TMEM154: variants seen among roughly 807,000 people sequenced by gnomAD.
TMEM154 encodes transmembrane protein 154.
In TMEM154, 27 loss-of-function variants were observed where a neutral mutation model predicts 24.5. The observed-to-expected ratio is 1.10, with a 90% CI of 0.81 to 1.52. TMEM154 has a LOEUF of 1.52. TMEM154 is among the 40% of genes most tolerant of loss of function. The pLI, the probability that TMEM154 is intolerant of heterozygous loss-of-function variation, is 0.00. For missense variants in TMEM154, 228 were observed against 213.4 expected, an observed-to-expected ratio of 1.07 and a Z score of -0.43; for synonymous variants, 67 against 76.8, an observed-to-expected ratio of 0.87 and a Z score of 0.67.
chr4:152,654,616 G>A (rs932684607), intron 1 of TMEM154, among the ~76,000 whole-genome samples: 1 of 152,154 alleles, frequency 6.6e-6, no homozygotes, highest in Non-Finnish European at 1.5e-5. Flanking sequence ...TCATGAGAGT[G>A]GGGACCCTAT....
intron 3 of TMEM154, among the ~76,000 whole-genome samples, chr4:152,647,994 C>G (rs1728298651): frequency 6.6e-6 from 1 of 152,018 alleles, no homozygotes; most frequent in East Asian, 1.9e-4. Flanking sequence ...GCTCTTGGTT[C>G]TCCTGGACCT....
intron 4 of TMEM154, 37 bp from the exon 5 acceptor site, chr4:152,643,210 T>A (rs1325188446): frequency 7.0e-7 from 1 of 1,423,764 alleles, no homozygotes; most frequent in Non-Finnish European, 9.8e-7. Context: ...TAGAAAGAAA[T>A]GTGAAAGATG....
At position 152,622,445 on chromosome 4, in the gene TMEM154, A is replaced by G. The variant is rs541952357; in HGVS notation, c.*6101T>C. On this transcript the variant is annotated 3_prime_UTR_variant, in exon 7 of 7. Transcript: ENST00000304385. Reference sequence around the variant, plus strand: ...TAATTCACCTCTACTCTTAGTAAATAAAACATTTTAGTAAACAAATATCTT... The same window carrying G: ...TAATTCACCTCTACTCTTAGTAAATGAAACATTTTAGTAAACAAATATCTT... 6.6e-6 allele frequency: 1 copy of G among 152,332 alleles called. No individual in the cohort carries two copies. The highest frequency in any genetic ancestry group is 6.5e-5 in the Admixed American group (1 of 15,310). The allele number at this position is 152,332 out of a possible 1,614,324, so 9.4% of individuals were successfully genotyped here.
intron 1 of TMEM154, 61 bp downstream of exon 1, chr4:152,679,809 C>CG: frequency 1.3e-6 from 2 of 1,568,200 alleles, no homozygotes; most frequent in South Asian, 2.3e-5. Flanking sequence ...TCTGTAGCCT[C>CG]GGGCACCCTA....
chr4:152,676,137 G>A (rs1039091298), intron 1 of TMEM154, among the ~76,000 whole-genome samples: 14 of 152,236 alleles, frequency 9.2e-5, no homozygotes, highest in Non-Finnish European at 1.9e-4. Flanking sequence ...ATTCTCTTGT[G>A]CTCACTCTGC....
intron 6 of TMEM154, among the ~76,000 whole-genome samples, chr4:152,631,538 A>G (rs1475038215): frequency 6.6e-6 from 1 of 151,856 alleles, no homozygotes; most frequent in African/African-American, 2.4e-5. Flanking sequence ...GGCTCCAGCA[A>G]TCCTACCACC....
intron 6 of TMEM154, among the ~76,000 whole-genome samples, chr4:152,633,491 A>AT (rs1752090061): frequency 6.6e-6 from 1 of 152,232 alleles, no homozygotes; most frequent in Admixed American, 6.5e-5. Flanking sequence ...AAACCTAGAC[A>AT]TTTTTAATTC....
chr4:152,665,889 G>A (rs559707886), intron 1 of TMEM154, among the ~76,000 whole-genome samples: 15 of 150,866 alleles, frequency 9.9e-5, no homozygotes, highest in African/African-American at 3.4e-4. Flanking sequence ...CTGGGCTCAA[G>A]CAAACCTCCC....
chr4:152,651,175 C>G (rs1728374702), intron 3 of TMEM154, among the ~76,000 whole-genome samples: 1 of 146,666 alleles, frequency 6.8e-6, no homozygotes, highest in Non-Finnish European at 1.5e-5. Flanking sequence ...ATTAATAGTC[C>G]TAGATGGCAT....
intron 3 of TMEM154, among the ~76,000 whole-genome samples, chr4:152,644,714 C>T (rs1011878660): frequency 1.3e-5 from 2 of 152,214 alleles, no homozygotes; most frequent in African/African-American, 2.4e-5. Context: ...TTATTTTTTA[C>T]ATCCACAAGA....
At chr4:152,658,626 AAAATAC>A (rs945943152) in intron 1 of TMEM154, among the ~76,000 whole-genome samples, 2 of 151,920 alleles carry the variant, frequency 1.3e-5, no homozygotes, top group African/African-American at 2.4e-5. Context: ...TGGCCAGCTA[AAAATAC>A]AAAATTTTTA....
chr4:152,664,854 G>A (rs757224083), intron 1 of TMEM154, among the ~76,000 whole-genome samples: 117 of 152,288 alleles, frequency 7.7e-4, no homozygotes, highest in Non-Finnish European at 1.5e-3. Flanking sequence ...CCTGCGTTGT[G>A]GAGTAACTGA....
Position 152,626,293 on chromosome 4 carries a change from T to C in TMEM154, c.*2253A>G, listed in dbSNP as rs565149705. 1 of 152,620 alleles carries C rather than the reference T, an allele frequency of 6.6e-6. No individual in the cohort carries two copies. The highest frequency in any genetic ancestry group is 1.9e-4 in the East Asian group (1 of 5,194). 9.5% of individuals were successfully genotyped at this position (152,620 alleles called of 1,614,324 possible). On this transcript the variant is annotated 3_prime_UTR_variant, in exon 7 of 7. Transcript: ENST00000304385. ...TCCAATTAGGGCAAATTAGTGAGGG[T>C]TTTTTTGGTTTTTGTTTTGTTTTTT...
chr4:152,623,195 C>T lies in TMEM154; in HGVS notation c.*5351G>A, dbSNP rs4696139. ...TGCTGCTGGGACAAAAGCTAAGTGG[C>T]AAATATGACATCAGATGATCTAACT... On this transcript the variant is annotated 3_prime_UTR_variant, in exon 7 of 7. Coordinates refer to ENST00000304385, the MANE Select transcript of TMEM154 (RefSeq NM_152680.3). 8,018 of 151,932 alleles carry T rather than the reference C, an allele frequency of 0.053. 248 individuals carry two copies. The highest frequency in any genetic ancestry group is 0.084 in the African/African-American group (3,460 of 41,420). The allele number at this position is 151,932 out of a possible 1,614,324, so 9.4% of individuals were successfully genotyped here. A position where few individuals can be genotyped will look rare whatever the true frequency, so the allele number is the denominator to read the frequency against.
rs147279393 is a variant in TMEM154, at chr4:152,650,405, G to A, written c.364+2133C>T. ...AACAAAACTCTTTGTTCATTCAGAAGAAGCAATTTCTCAGCCACTTAACGT... is the reference window on the plus strand; with the variant it reads ...AACAAAACTCTTTGTTCATTCAGAAAAAGCAATTTCTCAGCCACTTAACGT... On this transcript the variant is annotated intron_variant, in intron 3 of 6. Coordinates refer to ENST00000304385, the MANE Select transcript of TMEM154 (RefSeq NM_152680.3). 1.4e-3 allele frequency among the ~76,000 whole-genome samples: 207 copies of A among 151,220 alleles called. 1 individual carries two copies. The East Asian group carries it at 0.035, about 25-fold the overall frequency.
chr4:152,642,138 C>T (rs558566443), intron 5 of TMEM154, among the ~76,000 whole-genome samples: 14 of 151,550 alleles, frequency 9.2e-5, no homozygotes, highest in Non-Finnish European at 1.5e-4. Context: ...AGGCTGGTTT[C>T]GAACTCCTGA....
At chr4:152,661,769 A>C (rs1029529011) in intron 1 of TMEM154, among the ~76,000 whole-genome samples, 1 of 152,152 alleles carries the variant, frequency 6.6e-6, no homozygotes, top group African/African-American at 2.4e-5. Flanking sequence ...GTTTTTAAGT[A>C]GTTTTTGAAT....
chr4:152,628,600 A>AAAAAAACACAC lies in TMEM154; in HGVS notation c.537-40_537-39insGTGTGTTTTTT, dbSNP rs1561042688. The AAAAAAACACAC allele has an allele frequency of 1.1e-5, 11 of 989,750 alleles. No individual in the cohort carries two copies. In the African/African-American group the frequency reaches 1.8e-4, roughly 16 times the overall value. 61.3% of individuals were successfully genotyped at this position (989,750 alleles called of 1,614,324 possible). The stretch of plus-strand genomic sequence containing the variant: ...AAAAAAAAAAAAAAAAAACAAAAAA[A>AAAAAAACACAC]ACACACACACACACACAAAACAGTA... On this transcript the variant is annotated intron_variant, in intron 6 of 6. Transcript: ENST00000304385.
At chr4:152,665,618 A>G (rs1728703514) in intron 1 of TMEM154, among the ~76,000 whole-genome samples, 1 of 152,172 alleles carries the variant, frequency 6.6e-6, no homozygotes, top group South Asian at 2.1e-4. Context: ...AGAAAATGTT[A>G]TGGCTAATAG....
Sources: allele counts gnomAD v4.1 joint callset (sites outside exome capture counted in the v4.1 genomes callset), GRCh38; gene constraint gnomAD v4.1.1; transcripts MANE v1.5; gene names NCBI Gene and HGNC (gene_info 2026-07-23, HGNC 2026-07-21).